The following PRKCB variants were observed in gnomAD, a reference collection of about 807,000 sequenced individuals.
PRKCB encodes the protein protein kinase C beta.
A neutral mutation model predicts 81.5 loss-of-function variants in PRKCB; 13 were observed. The observed-to-expected ratio is 0.16, with a 90% CI of 0.10 to 0.25. PRKCB has a LOEUF of 0.25. PRKCB is among the 10% of genes least tolerant of loss of function. The pLI, the probability that PRKCB is intolerant of heterozygous loss-of-function variation, is 1.00. For missense variants in PRKCB, 509 were observed against 875.7 expected (o/e 0.58, Z 5.29); for synonymous variants, 335 against 321.4 (o/e 1.04, Z -0.45).
chr16:24,128,190 T>C lies in PRKCB; in HGVS notation c.1065+4209T>C, dbSNP rs557177172. Among the ~76,000 whole-genome samples, 331 of 152,014 alleles carry C rather than the reference T, an allele frequency of 2.2e-3. 5 individuals are homozygous for C. The highest frequency in any genetic ancestry group is 3.5e-3 in the South Asian group (17 of 4,818). On this transcript the variant is annotated intron_variant, in intron 9 of 16. Coordinates refer to ENST00000643927, the MANE Select transcript of PRKCB (RefSeq NM_002738.7). ...AGGAGTTCGAGGCCAGCCTGGCCAATATGGTGAAACCCTGTCTCTACTAAA... is the reference window on the plus strand; with the variant it reads ...AGGAGTTCGAGGCCAGCCTGGCCAACATGGTGAAACCCTGTCTCTACTAAA...
intron 2 of PRKCB, among the ~76,000 whole-genome samples, chr16:23,981,704 C>T (rs1964709920): frequency 1.8e-5 from 2 of 109,510 alleles, no homozygotes; most frequent in Admixed American, 8.8e-5. Context: ...CCTTCCCTTC[C>T]CCTTCCCTTT....
At chr16:24,073,128 T>C (rs1482328939) in intron 5 of PRKCB, among the ~76,000 whole-genome samples, 2 of 152,182 alleles carry the variant, frequency 1.3e-5, no homozygotes, top group African/African-American at 4.8e-5. Flanking sequence ...AAAAGGTGAA[T>C]GTCTAGTTCA....
At chr16:24,051,416 G>A (rs1420071982) in intron 5 of PRKCB, among the ~76,000 whole-genome samples, 8 of 152,148 alleles carry the variant, frequency 5.3e-5, no homozygotes, top group African/African-American at 1.9e-4. Context: ...GAGTGTAAGA[G>A]CCCCATGAAG....
intron 2 of PRKCB, among the ~76,000 whole-genome samples, chr16:23,878,372 C>T (rs764579166): frequency 9.9e-5 from 15 of 152,280 alleles, no homozygotes; most frequent in South Asian, 4.2e-4. Context: ...AACAGCACTC[C>T]AACTCGTGCC....
chr16:24,142,885 C>CCT (rs1170043785), intron 9 of PRKCB, among the ~76,000 whole-genome samples: 1 of 151,954 alleles, frequency 6.6e-6, no homozygotes, highest in Non-Finnish European at 1.5e-5. Context: ...AGATCAGCAC[C>CCT]CTGACCCTGT....
At chr16:23,979,926 A>T (rs1964673145) in intron 2 of PRKCB, among the ~76,000 whole-genome samples, 1 of 152,046 alleles carries the variant, frequency 6.6e-6, no homozygotes, top group Admixed American at 6.5e-5. Context: ...TCTAGAAAAA[A>T]CTTAAAAAAT....
chr16:24,005,837 T>G (rs765503074), intron 3 of PRKCB, among the ~76,000 whole-genome samples: 1 of 152,180 alleles, frequency 6.6e-6, no homozygotes, highest in Non-Finnish European at 1.5e-5. Context: ...AACAGTCAAG[T>G]GCACTTTTCT....
chr16:24,055,528 T>C (rs533587248), intron 5 of PRKCB, among the ~76,000 whole-genome samples: 49 of 152,344 alleles, frequency 3.2e-4, no homozygotes, highest in African/African-American at 1.2e-3. Context: ...CACAGGGACT[T>C]GGAATAAGAG....
chr16:23,992,196 A>C (rs1217642304), intron 3 of PRKCB, among the ~76,000 whole-genome samples: 1 of 152,242 alleles, frequency 6.6e-6, no homozygotes, highest in African/African-American at 2.4e-5. Context: ...GAATAAGTTT[A>C]TCATTTAAAA....
intron 7 of PRKCB, among the ~76,000 whole-genome samples, chr16:24,096,660 A>ATAT (rs1966443699): frequency 1.8e-4 from 7 of 38,312 alleles, no homozygotes; most frequent in East Asian, 1.6e-3. Flanking sequence ...GGCAAAAAAA[A>ATAT]AAAAAAATAT....
At chr16:24,080,781 T>A (rs1389995374) in intron 5 of PRKCB, among the ~76,000 whole-genome samples, 1 of 152,142 alleles carries the variant, frequency 6.6e-6, no homozygotes, top group African/African-American at 2.4e-5. Context: ...AGAAAATATT[T>A]TGAATTGAAA....
intron 2 of PRKCB, among the ~76,000 whole-genome samples, chr16:23,839,748 T>C (rs1256230706): frequency 6.6e-6 from 1 of 152,192 alleles, no homozygotes; most frequent in East Asian, 1.9e-4. Context: ...AGCCTCCTTG[T>C]CTATAAAACG....
chr16:23,876,322 C>T (rs1963013639), intron 2 of PRKCB, among the ~76,000 whole-genome samples: 1 of 152,196 alleles, frequency 6.6e-6, no homozygotes. Flanking sequence ...GGAAGTTTAA[C>T]TTGTCACTAA....
At chr16:24,028,171 C>T (rs1283851335) in intron 3 of PRKCB, among the ~76,000 whole-genome samples, 2 of 152,184 alleles carry the variant, frequency 1.3e-5, no homozygotes, top group African/African-American at 2.4e-5. Context: ...TCACTGCAAC[C>T]TCTGCCTCTT....
intron 2 of PRKCB, among the ~76,000 whole-genome samples, chr16:23,872,713 T>C (rs1443301889): frequency 6.6e-6 from 1 of 152,202 alleles, no homozygotes; most frequent in Non-Finnish European, 1.5e-5. Flanking sequence ...CTCACAGGGT[T>C]GTCAGGAAAA....
intron 2 of PRKCB, among the ~76,000 whole-genome samples, chr16:23,862,503 A>G (rs1387097350): frequency 6.6e-6 from 1 of 152,216 alleles, no homozygotes; most frequent in Non-Finnish European, 1.5e-5. Flanking sequence ...CGTTCAGGGG[A>G]AAAGCTGTAA....
At chr16:24,175,661 G>T (rs1173517894) in intron 12 of PRKCB, among the ~76,000 whole-genome samples, 2 of 151,570 alleles carry the variant, frequency 1.3e-5, no homozygotes, top group Non-Finnish European at 2.9e-5. Flanking sequence ...TGCCTTAACT[G>T]CGGGATATGG....
chr16:23,983,810 G>A (rs983192524), intron 2 of PRKCB, among the ~76,000 whole-genome samples: 4 of 151,916 alleles, frequency 2.6e-5, no homozygotes, highest in Non-Finnish European at 5.9e-5. Flanking sequence ...CTGCCTCCCT[G>A]GTTCCAGTGA....
At chr16:24,130,015 G>A (rs567090499) in intron 9 of PRKCB, among the ~76,000 whole-genome samples, 12 of 152,138 alleles carry the variant, frequency 7.9e-5, no homozygotes, top group Admixed American at 4.6e-4. Flanking sequence ...CTGTCTATCC[G>A]TCCATCAACG....
Sources: allele counts gnomAD v4.1 joint callset (sites outside exome capture counted in the v4.1 genomes callset), GRCh38; gene constraint gnomAD v4.1.1; transcripts MANE v1.5; gene names NCBI Gene and HGNC (gene_info 2026-07-23, HGNC 2026-07-21).